The following RABGAP1L variants were observed in gnomAD, a reference collection of about 807,000 sequenced individuals.
RABGAP1L encodes the protein RAB GTPase activating protein 1 like, also known as rab GTPase-activating protein 1-like.
A neutral mutation model predicts 137.7 loss-of-function variants in RABGAP1L; 63 were observed. The ratio of observed to expected loss-of-function variants is 0.46; its 90% CI spans 0.37 to 0.56. The LOEUF (loss-of-function observed/expected upper bound fraction) is 0.56. Among genes scored for constraint, RABGAP1L ranks in the 20% least tolerant of loss-of-function variants. RABGAP1L has a pLI of 0.00. For missense variants in RABGAP1L, 1,095 were observed against 1,244.0 expected, an observed-to-expected ratio of 0.88 and a Z score of 1.80; for synonymous variants, 431 against 433.7, an observed-to-expected ratio of 0.99 and a Z score of 0.08.
intron 12 of RABGAP1L, among the ~76,000 whole-genome samples, chr1:174,371,903 C>T (rs930174829): frequency 6.6e-6 from 1 of 152,004 alleles, no homozygotes; most frequent in Non-Finnish European, 1.5e-5. Context: ...TGAGAGTTTC[C>T]TTAGTTGTAA....
At chr1:174,589,843 G>T (rs1228440053) in intron 13 of RABGAP1L, among the ~76,000 whole-genome samples, 1 of 152,102 alleles carries the variant, frequency 6.6e-6, no homozygotes, top group Non-Finnish European at 1.5e-5. Context: ...CCAGTCCCGT[G>T]CTGTTTTGGT....
chr1:174,753,405 G>C (rs1187979185), intron 18 of RABGAP1L, among the ~76,000 whole-genome samples: 1 of 152,078 alleles, frequency 6.6e-6, no homozygotes, highest in African/African-American at 2.4e-5. Context: ...ACATAACCTT[G>C]ATTCTAAACA....
At chr1:174,345,322 A>AAGT (rs1474832666) in intron 11 of RABGAP1L, among the ~76,000 whole-genome samples, 2 of 152,080 alleles carry the variant, frequency 1.3e-5, no homozygotes, top group African/African-American at 2.4e-5. Flanking sequence ...TATTTCTGTG[A>AAGT]AGTATGTCAT....
At chr1:174,240,614 CT>C (rs1671725252) in intron 4 of RABGAP1L, among the ~76,000 whole-genome samples, 1 of 151,740 alleles carries the variant, frequency 6.6e-6, no homozygotes, top group Non-Finnish European at 1.5e-5. Context: ...CTCCTTTCAG[CT>C]TTTGTATTCC....
intron 19 of RABGAP1L, among the ~76,000 whole-genome samples, chr1:174,838,013 C>A (rs1443266140): frequency 6.6e-6 from 1 of 152,124 alleles, no homozygotes; most frequent in Admixed American, 6.5e-5. Flanking sequence ...ATCCCTTTAA[C>A]CCCTTGAAAA....
At chr1:174,691,878 C>T (rs563811611) in intron 15 of RABGAP1L, among the ~76,000 whole-genome samples, 11 of 152,000 alleles carry the variant, frequency 7.2e-5, no homozygotes, top group East Asian at 3.9e-4. Context: ...AGGAATTGCA[C>T]GTACTAAGGT....
chr1:174,349,601 C>G (rs1682865165), intron 11 of RABGAP1L, among the ~76,000 whole-genome samples: 3 of 143,944 alleles, frequency 2.1e-5, no homozygotes, highest in African/African-American at 7.6e-5. Flanking sequence ...CCCCCCACCT[C>G]CCTCCCGGAT....
At chr1:174,900,278 C>G (rs926296525) in intron 19 of RABGAP1L, among the ~76,000 whole-genome samples, 3 of 152,164 alleles carry the variant, frequency 2.0e-5, no homozygotes, top group Non-Finnish European at 4.4e-5. Context: ...AGTGTGGGAG[C>G]GGGCCTGATC....
intron 19 of RABGAP1L, among the ~76,000 whole-genome samples, chr1:174,853,291 T>C (rs1257862343): frequency 6.6e-6 from 1 of 151,816 alleles, no homozygotes; most frequent in African/African-American, 2.4e-5. Context: ...TTATATATTA[T>C]ACTGAGCTTT....
chr1:174,743,291 T>C (rs918015391), intron 17 of RABGAP1L, among the ~76,000 whole-genome samples: 3 of 152,320 alleles, frequency 2.0e-5, no homozygotes, highest in African/African-American at 7.2e-5. Context: ...GATATGGTGA[T>C]CTGGTGAGTT....
At chr1:174,789,517 G>A (rs567453712) in intron 18 of RABGAP1L, among the ~76,000 whole-genome samples, 1 of 152,188 alleles carries the variant, frequency 6.6e-6, no homozygotes, top group Non-Finnish European at 1.5e-5. Flanking sequence ...TCATAAGAAT[G>A]TATAATAACT....
At chr1:174,401,429 A>G (rs989410171) in intron 13 of RABGAP1L, among the ~76,000 whole-genome samples, 21 of 152,188 alleles carry the variant, frequency 1.4e-4, no homozygotes, top group Admixed American at 5.2e-4. Flanking sequence ...GTGATGGGGA[A>G]TGAGGAAAAT....
intron 19 of RABGAP1L, among the ~76,000 whole-genome samples, chr1:174,825,999 A>T (rs1691529311): frequency 6.6e-6 from 1 of 152,158 alleles, no homozygotes; most frequent in South Asian, 2.1e-4. Context: ...TCTCACCCAG[A>T]TAGTGAGCTT....
chr1:174,257,384 C>G (rs1167844946), intron 7 of RABGAP1L, among the ~76,000 whole-genome samples: 1 of 152,094 alleles, frequency 6.6e-6, no homozygotes, highest in Non-Finnish European at 1.5e-5. Flanking sequence ...CATGTTTGAT[C>G]AACTTGAATA....
rs1183875194 is a variant in RABGAP1L at position 174,370,463 on chromosome 1, CTTTTTTT to C, written c.1466-498_1466-492del. On this transcript the variant is annotated intron_variant, in intron 11 of 25. Transcript: ENST00000681986. The stretch of plus-strand genomic sequence containing the variant: ...TCAATTTTCCTTTAGTTAAAAATAC[CTTTTTTT>C]TTTTTTTTTTTTTTTTTACAAATAC... Among the ~76,000 whole-genome samples, 43 of 37,876 alleles carry C rather than the reference CTTTTTTT, an allele frequency of 1.1e-3. 1 individual carries two copies. Among genetic ancestry groups the C allele is most frequent in the East Asian group, 1.9e-3 (2 of 1,068 alleles). 24.8% of individuals were successfully genotyped at this position (37,876 alleles called of 152,430 possible). A position where few individuals can be genotyped will look rare whatever the true frequency, so the allele number is the denominator to read the frequency against.
At chr1:174,511,126 C>A (rs1313480891) in intron 13 of RABGAP1L, among the ~76,000 whole-genome samples, 1 of 152,146 alleles carries the variant, frequency 6.6e-6, no homozygotes, top group Non-Finnish European at 1.5e-5. Flanking sequence ...ATGTTTGAAA[C>A]ACCTTTAAAA....
chr1:174,370,463 C>CTTT (rs1183875194), intron 11 of RABGAP1L, among the ~76,000 whole-genome samples: 1,771 of 37,838 alleles, frequency 0.047, 209 homozygotes, highest in African/African-American at 0.17. Flanking sequence ...TTAAAAATAC[C>CTTT]TTTTTTTTTT....
chr1:174,690,674 T>C (rs939903617), intron 15 of RABGAP1L, among the ~76,000 whole-genome samples: 2 of 152,332 alleles, frequency 1.3e-5, no homozygotes, highest in East Asian at 3.9e-4. Flanking sequence ...TTATGGCTTA[T>C]ACATTGACAT....
Position 174,811,876 on chromosome 1 carries a change from A to G in RABGAP1L, c.2256A>G (p.Leu752=), listed in dbSNP as rs770127749. Residue 752 remains leucine (L), a synonymous_variant, in exon 19 of 26, where the codon TTA becomes TTG. Transcript: ENST00000681986. ...TGCAGGCTGATTTTGAAGGTGCTTT[A>G]AAGTTCTTTAGAGTTCAGCTTCCAA... ...DLLQADFEGA[L]KFFRVQLPKR... The G allele has an allele frequency of 8.7e-6, 14 of 1,607,168 alleles. No homozygotes were observed. The highest frequency in any genetic ancestry group is 1.7e-5 in the Admixed American group (1 of 59,524).
Sources: gnomAD v4.1 joint callset for allele counts (sites outside exome capture counted in the v4.1 genomes callset) on GRCh38, gnomAD v4.1.1 for gene constraint, MANE v1.5 for transcripts, NCBI Gene and HGNC (gene_info 2026-07-23, HGNC 2026-07-21) for gene names.